Variants in MICAL3 observed in about 807,000 individuals in gnomAD.
MICAL3 encodes the protein microtubule associated monooxygenase, calponin and LIM domain containing 3, also known as [F-actin]-monooxygenase MICAL3.
In MICAL3, 62 loss-of-function variants were observed where a neutral mutation model predicts 207.4. That is an observed-to-expected ratio of 0.30 (90% CI 0.24 to 0.37). MICAL3 has a LOEUF of 0.37. Among genes scored for constraint, MICAL3 ranks in the 10% least tolerant of loss-of-function variants. The pLI is 1.00. For synonymous variants in MICAL3, 1,077 were observed against 1,069.3 expected (o/e 1.01, Z -0.14); for missense variants, 2,368 against 2,635.6 (o/e 0.90, Z 2.22).
At position 17,788,226 on chromosome 22, in the gene MICAL3, G is replaced by C. The variant is rs1021947680; in HGVS notation, c.*2506C>G. 1 of 152,272 alleles carries C rather than the reference G, an allele frequency of 6.6e-6. No individual in the cohort carries two copies. The highest frequency in any genetic ancestry group is 1.5e-5 in the Non-Finnish European group (1 of 68,040). 9.4% of individuals were successfully genotyped at this position (152,272 alleles called of 1,614,324 possible). On this transcript the variant is annotated 3_prime_UTR_variant, in exon 32 of 32. Transcript: ENST00000441493. The stretch of plus-strand genomic sequence containing the variant: ...ACTAGAACTGGGTGTCCTCACAGTC[G>C]GGAGCAGAAGGCTGGGGCGCAGGCC...
chr22:17,929,580 T>TC (rs1348455668), intron 1 of MICAL3, among the ~76,000 whole-genome samples: 1 of 145,398 alleles, frequency 6.9e-6, no homozygotes, highest in Non-Finnish European at 1.5e-5. Flanking sequence ...TTTTTTTTTT[T>TC]TTTTTTTGAC....
chr22:17,904,903 A>C, intron 2 of MICAL3, 64 bp from the exon 3 acceptor site: 217 of 1,220,208 alleles, frequency 1.8e-4, no homozygotes, highest in Non-Finnish European at 2.4e-4. Flanking sequence ...AAGAAGTCTC[A>C]TGATTGTAAG....
chr22:18,006,298 A>C (rs1923380452), intron 1 of MICAL3: 1 of 152,156 alleles, frequency 6.6e-6, no homozygotes, highest in African/African-American at 2.4e-5. Flanking sequence ...AGAGAGTGCA[A>C]GTGGATCCCA....
At chr22:17,871,514 C>T (rs1264173750) in intron 17 of MICAL3, among the ~76,000 whole-genome samples, 7 of 152,146 alleles carry the variant, frequency 4.6e-5, no homozygotes, top group Non-Finnish European at 8.8e-5. Flanking sequence ...TCCGTAAAGA[C>T]AAAAAACCTT....
At chr22:17,984,572 G>T (rs1936073074) in intron 1 of MICAL3, among the ~76,000 whole-genome samples, 1 of 125,022 alleles carries the variant, frequency 8.0e-6, no homozygotes, top group Non-Finnish European at 1.6e-5. Context: ...CACTTGGTCA[G>T]TGAACACAGA....
At chr22:18,019,806 ATTTTTTTTTTTTT>A in intron 1 of MICAL3, 1 of 73,494 alleles carries the variant, frequency 1.4e-5, no homozygotes, top group Admixed American at 1.8e-4. Flanking sequence ...AATGCTGCTG[ATTTTTTTTTTTTT>A]TTTTTTTTTT....
chr22:17,965,810 TAAGA>T (rs1477141725), intron 1 of MICAL3, among the ~76,000 whole-genome samples: 2 of 152,108 alleles, frequency 1.3e-5, no homozygotes, highest in Non-Finnish European at 2.9e-5. Flanking sequence ...AAAATAGAAT[TAAGA>T]AAGGTCAGAT....
chr22:17,935,133 C>CA (rs1002573423), intron 1 of MICAL3, among the ~76,000 whole-genome samples: 24 of 151,418 alleles, frequency 1.6e-4, no homozygotes, highest in East Asian at 5.8e-4. Flanking sequence ...CAATCCTAAG[C>CA]AAAAAAAACA....
At position 17,879,464 on chromosome 22, in the gene MICAL3, C is replaced by T. The variant is rs143055021; in HGVS notation, c.2241+6414G>A. 1.7e-4 allele frequency: 237 copies of T among 1,418,094 alleles called. 1 individual carries two copies. In the East Asian group the frequency reaches 2.0e-3, roughly 12 times the overall value. 87.8% of individuals were successfully genotyped at this position (1,418,094 alleles called of 1,614,324 possible). A position where few individuals can be genotyped will look rare whatever the true frequency, so the allele number is the denominator to read the frequency against. ...TATCGCTCTATTTGGACCTACTAAACGACAGTGGGAAATTCAGGGGCAGAA... is the reference window on the plus strand; with the variant it reads ...TATCGCTCTATTTGGACCTACTAAATGACAGTGGGAAATTCAGGGGCAGAA... On this transcript the variant is annotated intron_variant, in intron 16 of 31. Coordinates refer to ENST00000441493, the MANE Select transcript of MICAL3 (RefSeq NM_015241.3).
intron 1 of MICAL3, among the ~76,000 whole-genome samples, chr22:17,950,518 G>A (rs998963046): frequency 9.9e-5 from 15 of 151,760 alleles, no homozygotes; most frequent in Admixed American, 3.9e-4. Flanking sequence ...TTTATTTTTC[G>A]TAGAGACAGG....
chr22:17,822,719 C>T (rs748834582), intron 23 of MICAL3, among the ~76,000 whole-genome samples: 1 of 152,228 alleles, frequency 6.6e-6, no homozygotes, highest in Non-Finnish European at 1.5e-5. Context: ...TATAAAGCCA[C>T]AGGTTGGCTC....
intron 1 of MICAL3, among the ~76,000 whole-genome samples, chr22:17,995,537 G>C (rs1268488031): frequency 9.7e-6 from 1 of 102,570 alleles, no homozygotes; most frequent in East Asian, 3.0e-4. Flanking sequence ...GTAGGGTCTT[G>C]CTCTATCACC....
chr22:17,810,718 C>A lies in MICAL3; in HGVS notation c.5541G>T (p.Arg1847=), dbSNP rs1218349614. Residue 1847 remains arginine, a synonymous_variant, in exon 28 of 32, where the codon CGG becomes CGT. Coordinates refer to ENST00000441493, the MANE Select transcript of MICAL3 (RefSeq NM_015241.3). ...RRQAKQEELK[R]LHRAQIIQRQ... is the part of the protein sequence containing the mutation. ...ATGGTTTTACCTGGGCTCGATGCAG[C>A]CGCTTAAGCTCCTCCTGCTTGGCCT... 4.3e-6 allele frequency: 7 copies of A among 1,613,842 alleles called. No individual in the cohort carries two copies. The African/African-American group carries it at 9.3e-5, about 22-fold the overall frequency.
chr22:17,794,702 A>C (rs2061857671), intron 29 of MICAL3, among the ~76,000 whole-genome samples: 2 of 152,256 alleles, frequency 1.3e-5, no homozygotes, highest in South Asian at 4.1e-4. Flanking sequence ...GTGAGACCAA[A>C]GGGGTGAGCT....
At chr22:17,883,108 C>A (rs1929581962) in intron 16 of MICAL3, among the ~76,000 whole-genome samples, 1 of 152,190 alleles carries the variant, frequency 6.6e-6, no homozygotes, top group Admixed American at 6.5e-5. Context: ...GTTCACCTTC[C>A]CCTGCAACAG....
rs1298004275 is a variant in MICAL3, at chr22:17,865,073, G to A, written c.2518-87C>T. ...CCTAGAGGCACTGACAATCTGACAC[G>A]CTGGTTTTAAATTTTATTTATTTAT... On this transcript the variant is annotated intron_variant, in intron 18 of 31. Coordinates refer to ENST00000441493, the MANE Select transcript of MICAL3 (RefSeq NM_015241.3). 17 of 1,087,836 alleles carry A rather than the reference G, an allele frequency of 1.6e-5. No homozygotes were observed. The South Asian group carries it at 2.2e-4, about 14-fold the overall frequency. 67.4% of individuals were successfully genotyped at this position (1,087,836 alleles called of 1,614,324 possible). A position where few individuals can be genotyped will look rare whatever the true frequency, so the allele number is the denominator to read the frequency against.
intron 1 of MICAL3, among the ~76,000 whole-genome samples, chr22:17,924,998 T>A (rs140612937): frequency 6.6e-6 from 1 of 152,114 alleles, no homozygotes; most frequent in Non-Finnish European, 1.5e-5. Context: ...AACAATGAAA[T>A]TGACCAAATA....
At chr22:18,023,845 C>G (rs1454653710) in intron 1 of MICAL3, among the ~76,000 whole-genome samples, 1 of 152,268 alleles carries the variant, frequency 6.6e-6, no homozygotes, top group African/African-American at 2.4e-5. Flanking sequence ...CATGGGTTCA[C>G]CGCGCTGAGC....
intron 1 of MICAL3, among the ~76,000 whole-genome samples, chr22:18,014,079 G>GA (rs1406181488): frequency 9.2e-5 from 14 of 151,706 alleles, no homozygotes; most frequent in Non-Finnish European, 1.6e-4. Flanking sequence ...TTATAGTCAT[G>GA]AGCCATCATG....
Sources: gnomAD v4.1 joint callset for allele counts (sites outside exome capture counted in the v4.1 genomes callset) on GRCh38, gnomAD v4.1.1 for gene constraint, MANE v1.5 for transcripts, NCBI Gene and HGNC (gene_info 2026-07-23, HGNC 2026-07-21) for gene names.